Variants in CRX observed in about 807,000 individuals in gnomAD.
CRX encodes cone-rod homeobox.
In CRX, 5 loss-of-function variants were observed where a neutral mutation model predicts 13.1. That is an observed-to-expected ratio of 0.38 (90% CI 0.20 to 0.80). CRX has a LOEUF of 0.80. Among genes scored for constraint, CRX ranks in the 30% least tolerant of loss-of-function variants. The pLI, the probability that CRX is intolerant of heterozygous loss-of-function variation, is 0.43. For synonymous variants in CRX, 179 were observed against 171.1 expected, an observed-to-expected ratio of 1.05 and a Z score of -0.36; for missense variants, 351 against 391.8, an observed-to-expected ratio of 0.90 and a Z score of 0.88.
chr19:47,833,452 T>G (rs1488367572), intron 1 of CRX, among the ~76,000 whole-genome samples: 1 of 151,882 alleles, frequency 6.6e-6, no homozygotes, highest in Non-Finnish European at 1.5e-5. Flanking sequence ...TGGCTAATTT[T>G]TGTATTTTTA....
chr19:47,822,093 C>G (rs1177560620), intron 1 of CRX, 83 bp downstream of exon 1: 1 of 152,646 alleles, frequency 6.6e-6, no homozygotes, highest in Non-Finnish European at 1.5e-5. Context: ...TTATTCGTGG[C>G]TGTGTTTGCC....
chr19:47,827,428 C>G (rs185775309), intron 1 of CRX, among the ~76,000 whole-genome samples: 1 of 148,920 alleles, frequency 6.7e-6, no homozygotes, highest in East Asian at 2.0e-4. Flanking sequence ...GCCTGGAAAT[C>G]TCTATTCCAG....
chr19:47,839,634 C>T lies in CRX; in HGVS notation c.567C>T (p.Ala189=). ...CCTCAGGGCCGTCTCTGACCTCCGC[C>T]CCCTATGCCATGACCTACGCCCCGG... is the stretch of plus-strand genomic sequence containing the variant. The part of the protein sequence containing the change: ...LVASGPSLTS[A]PYAMTYAPAS... Residue 189 remains alanine (A), a synonymous_variant, in exon 4 of 4, where the codon GCC becomes GCT. Transcript: ENST00000221996. The surrounding 1 kb of genome is among the most constrained non-coding windows in gnomAD (Gnocchi z 4.6). 6.2e-7 allele frequency: 1 copy of T among 1,613,252 alleles called. No homozygotes were observed. The highest frequency in any genetic ancestry group is 1.7e-5 in the Admixed American group (1 of 60,004).
intron 2 of CRX, 60 bp downstream of exon 2, chr19:47,834,603 G>C (rs1415574760): frequency 2.9e-6 from 4 of 1,394,368 alleles, no homozygotes; most frequent in Non-Finnish European, 4.0e-6. Flanking sequence ...AGGACCTCTG[G>C]GGTCCCTTTG....
chr19:47,825,933 A>T (rs1967970120), intron 1 of CRX, among the ~76,000 whole-genome samples: 1 of 152,062 alleles, frequency 6.6e-6, no homozygotes, highest in South Asian at 2.1e-4. Flanking sequence ...AACAACAACA[A>T]CAAAAACAAA....
chr19:47,838,548 T>G (rs1186657187), intron 3 of CRX, among the ~76,000 whole-genome samples: 2 of 152,164 alleles, frequency 1.3e-5, no homozygotes, highest in African/African-American at 4.8e-5. Flanking sequence ...AATGCATGTA[T>G]GATGTATGCG....
chr19:47,824,989 G>GTTTTTTTTTTT (rs1568620994), intron 1 of CRX, among the ~76,000 whole-genome samples: 1 of 57,976 alleles, frequency 1.7e-5, no homozygotes, highest in Non-Finnish European at 3.8e-5. Context: ...TCGATTGATT[G>GTTTTTTTTTTT]ATTTTTTTTT....
At chr19:47,822,554 A>T (rs762789760) in intron 1 of CRX, among the ~76,000 whole-genome samples, 1 of 152,194 alleles carries the variant, frequency 6.6e-6, no homozygotes, top group Non-Finnish European at 1.5e-5. Context: ...ACATATACGC[A>T]GAGAGCCCAG....
intron 3 of CRX, among the ~76,000 whole-genome samples, chr19:47,836,952 G>A (rs1337258082): frequency 6.6e-6 from 1 of 152,158 alleles, no homozygotes; most frequent in Non-Finnish European, 1.5e-5. Flanking sequence ...GACTGTAGGT[G>A]TGCGTGTGCA....
At position 47,840,099 on chromosome 19, in the gene CRX, G is replaced by C; in HGVS notation, c.*132G>C. 9 of 1,073,048 alleles carry C rather than the reference G, an allele frequency of 8.4e-6. No homozygotes were observed. Among genetic ancestry groups the C allele is most frequent in the Non-Finnish European group, 1.2e-5 (9 of 728,680 alleles). The allele number at this position is 1,073,048 out of a possible 1,614,324, so 66.5% of individuals were successfully genotyped here. On this transcript the variant is annotated 3_prime_UTR_variant, in exon 4 of 4. Transcript: ENST00000221996. ...GAACCAGCTGTCCTTCTGACAGCTC[G>C]GTGTTCAGCTTACAGAGACCACCCC...
In CRX at chr19:47,834,296, G is replaced by A. The variant is rs77991846; in HGVS notation, c.-35-113G>A. On this transcript the variant is annotated intron_variant, in intron 1 of 3. Coordinates refer to ENST00000221996, the MANE Select transcript of CRX (RefSeq NM_000554.6). Reference sequence around the variant, plus strand: ...GAGGTACAGAGAGGTGAGATAAATGGCCAAGGTCACATACCTAAGAGGAGA... The same window carrying A: ...GAGGTACAGAGAGGTGAGATAAATGACCAAGGTCACATACCTAAGAGGAGA... 2.0e-4 allele frequency: 141 copies of A among 709,354 alleles called. No individual in the cohort carries two copies. The African/African-American group carries it at 2.2e-3, about 11-fold the overall frequency. The allele number at this position is 709,354 out of a possible 1,614,324, so 43.9% of individuals were successfully genotyped here.
intron 1 of CRX, among the ~76,000 whole-genome samples, chr19:47,826,535 G>T (rs1967977015): frequency 6.6e-6 from 1 of 152,208 alleles, no homozygotes; most frequent in Non-Finnish European, 1.5e-5. Flanking sequence ...AGCTCAGGAG[G>T]TCGAGGCTGC....
rs2123743672 is a variant in CRX at position 47,839,873 on chromosome 19, T to A, written c.806T>A (p.Phe269Tyr). Residue 269 changes from phenylalanine to tyrosine, a missense_variant, in exon 4 of 4, where the codon TTC (phenylalanine) becomes TAC (tyrosine). By Grantham distance (22) the Phe-to-Tyr change is conservative (BLOSUM62 3). Coordinates refer to ENST00000221996, the MANE Select transcript of CRX (RefSeq NM_000554.6). The surrounding 1 kb of genome is among the most constrained non-coding windows in gnomAD (Gnocchi z 4.6). ...TACAGCCCCGTGGATAGCTTGGAAT[T>A]CAAGGACCCCACGGGCACCTGGAAA... is the stretch of plus-strand genomic sequence containing the variant. ...GAYSPVDSLE[F>Y]KDPTGTWKFT... The A allele has an allele frequency of 6.2e-7, 1 of 1,614,090 alleles. No individual in the cohort carries two copies. Among genetic ancestry groups the A allele is most frequent in the Non-Finnish European group, 8.5e-7 (1 of 1,180,024 alleles).
chr19:47,840,296 T>G lies in CRX; in HGVS notation c.*329T>G. On this transcript the variant is annotated 3_prime_UTR_variant, in exon 4 of 4. Transcript: ENST00000221996. Reference sequence around the variant, plus strand: ...CTCCAAGAAGAAGTCAAACCAAACTTGCAGTTGATTTGGGGTCATGTTTAG... The same window carrying G: ...CTCCAAGAAGAAGTCAAACCAAACTGGCAGTTGATTTGGGGTCATGTTTAG... 1 of 352,300 alleles carries G rather than the reference T, an allele frequency of 2.8e-6. No individual in the cohort carries two copies. The highest frequency in any genetic ancestry group is 3.1e-5 in the South Asian group (1 of 32,534). 21.8% of individuals were successfully genotyped at this position (352,300 alleles called of 1,614,324 possible). A position where few individuals can be genotyped will look rare whatever the true frequency, so the allele number is the denominator to read the frequency against.
chr19:47,836,220 T>G (rs780229104), intron 2 of CRX, 23 bp from the exon 3 acceptor site: 53 of 1,613,652 alleles, frequency 3.3e-5, no homozygotes, highest in Non-Finnish European at 4.4e-5. Flanking sequence ...GACCTGAGGG[T>G]CCTGTTTCCC....
intron 1 of CRX, among the ~76,000 whole-genome samples, chr19:47,832,079 A>C (rs1968054114): frequency 6.9e-6 from 1 of 144,256 alleles, no homozygotes; most frequent in South Asian, 2.2e-4. Flanking sequence ...GAGATCTTTT[A>C]AAATCAGTTC....
Position 47,841,940 on chromosome 19 carries a change from T to C in CRX, c.*1973T>C, listed in dbSNP as rs1968202330. ...TCTCCAAGGAAGAGGAAAAGGTTGG[T>C]TGTGGAGTGTTTGTCAGTTTCCGTG... On this transcript the variant is annotated 3_prime_UTR_variant, in exon 4 of 4. Coordinates refer to ENST00000221996, the MANE Select transcript of CRX (RefSeq NM_000554.6). 1 of 151,694 alleles carries C rather than the reference T, an allele frequency of 6.6e-6. No individual in the cohort carries two copies. The highest frequency in any genetic ancestry group is 1.5e-5 in the Non-Finnish European group (1 of 67,968). 9.4% of individuals were successfully genotyped at this position (151,694 alleles called of 1,614,324 possible). A position where few individuals can be genotyped will look rare whatever the true frequency, so the allele number is the denominator to read the frequency against.
In CRX at chr19:47,836,348, G is replaced by A. The variant is rs775073228; in HGVS notation, c.206G>A (p.Arg69His). Residue 69 changes from arginine to histidine, a missense_variant, in exon 3 of 4, where the codon CGT becomes CAT. By Grantham distance (29) the Arg-to-His change is conservative. This residue lies in a region of CRX where 95 missense variants were observed against 106.7 expected (regional missense o/e 0.89). Transcript: ENST00000221996. The stretch of plus-strand genomic sequence containing the variant: ...ACCCAGTACCCAGACGTCTATGCCC[G>A]TGAGGAGGTGGCTCTGAAGATCAAT... ...AKTQYPDVYA[R>H]EEVALKINLP... 25 of 1,614,084 alleles carry A rather than the reference G, an allele frequency of 1.5e-5. No individual in the cohort carries two copies. The highest frequency in any genetic ancestry group is 2.7e-5 in the African/African-American group (2 of 74,928).
rs117924887 is a variant in CRX, at chr19:47,827,649, A to C, written c.-36+5639A>C. Reference sequence around the variant, plus strand: ...CGCCTCCCGGGTTCAAGCGATTCTCAAGTAGTTGGGATTACAGGCACCCAT... The same window carrying C: ...CGCCTCCCGGGTTCAAGCGATTCTCCAGTAGTTGGGATTACAGGCACCCAT... On this transcript the variant is annotated intron_variant, in intron 1 of 3. Coordinates refer to ENST00000221996, the MANE Select transcript of CRX (RefSeq NM_000554.6). Among the ~76,000 whole-genome samples, 982 of 142,118 alleles carry C rather than the reference A, an allele frequency of 6.9e-3. 25 individuals are homozygous for C. The highest frequency in any genetic ancestry group is 0.063 in the East Asian group (296 of 4,724). The allele number at this position is 142,118 out of a possible 152,430, so 93.2% of individuals were successfully genotyped here.
Sources: gnomAD v4.1 joint callset for allele counts (sites outside exome capture counted in the v4.1 genomes callset) on GRCh38, gnomAD v4.1.1 for gene constraint, gnomAD v4.1.1 regional missense constraint, Gnocchi (gnomAD v3.1) non-coding constraint, MANE v1.5 for transcripts, NCBI Gene and HGNC (gene_info 2026-07-23, HGNC 2026-07-21) for gene names.